CPED1: variants seen among roughly 807,000 people sequenced by gnomAD.
The protein encoded by CPED1 is cadherin-like and PC-esterase domain-containing protein 1.
A neutral mutation model predicts 128.2 loss-of-function variants in CPED1; 114 were observed. The ratio of observed to expected loss-of-function variants is 0.89; its 90% CI spans 0.76 to 1.04. CPED1 has a LOEUF of 1.04. Ranked by LOEUF, CPED1 falls within the 50% of genes least tolerant of loss-of-function variation. CPED1 has a pLI of 0.00. For synonymous variants in CPED1, 462 were observed against 426.7 expected (o/e 1.08, Z -1.02); for missense variants, 1,211 against 1,207.1 (o/e 1.00, Z -0.05).
At chr7:121,269,856 T>C (rs1169658855) in intron 21 of CPED1, among the ~76,000 whole-genome samples, 1 of 151,940 alleles carries the variant, frequency 6.6e-6, no homozygotes, top group African/African-American at 2.4e-5. Context: ...AGAAAAGGGG[T>C]ATTTTGGCTC....
intron 3 of CPED1, among the ~76,000 whole-genome samples, chr7:121,042,424 G>C (rs1359335612): frequency 6.6e-6 from 1 of 152,148 alleles, no homozygotes; most frequent in Admixed American, 6.6e-5. Flanking sequence ...GATAATTTCT[G>C]TGTCTGTTTC....
chr7:121,042,347 A>G (rs1277945630), intron 3 of CPED1, among the ~76,000 whole-genome samples: 1 of 152,084 alleles, frequency 6.6e-6, no homozygotes, highest in Non-Finnish European at 1.5e-5. Flanking sequence ...TGCTGTAGTT[A>G]TTTCTTCCTC....
intron 2 of CPED1, among the ~76,000 whole-genome samples, chr7:121,001,944 T>A (rs1173435627): frequency 6.6e-6 from 1 of 152,052 alleles, no homozygotes; most frequent in Non-Finnish European, 1.5e-5. Context: ...AATGATATCA[T>A]TAAAATATTC....
At position 121,097,699 on chromosome 7, in the gene CPED1, A is replaced by T. The variant is rs748802241; in HGVS notation, c.617A>T (p.Glu206Val). Residue 206 changes from glutamate to valine, a missense_variant and splice_region_variant, in exon 6 of 23, where the codon GAA becomes GTA. By Grantham distance (121) the Glu-to-Val change is moderately radical. Transcript: ENST00000310396. ...CTTCTGCTCTCTTGAATCTTTTCAG[A>T]ACTGCAACTTCCAGTGAGTCCCTCT... ...GLCQIVRRFP[E>V]LQLPVSPSVC... The T allele has an allele frequency of 6.2e-6, 10 of 1,613,438 alleles. No homozygotes were observed. The South Asian group carries it at 8.8e-5, about 14-fold the overall frequency.
intron 14 of CPED1, among the ~76,000 whole-genome samples, chr7:121,139,522 C>T (rs34770628): frequency 0.32 from 48,686 of 151,610 alleles, 8,314 homozygotes; most frequent in Middle Eastern, 0.48. Flanking sequence ...GGTGCACCTC[C>T]ACGTCCATCA....
chr7:121,294,806 C>CAAAAAAAAAAAA (rs752742828), intron 22 of CPED1, among the ~76,000 whole-genome samples: 2 of 61,418 alleles, frequency 3.3e-5, no homozygotes, highest in African/African-American at 1.2e-4. Flanking sequence ...GCCTTCTAAG[C>CAAAAAAAAAAAA]AAAAAAAAAA....
chr7:121,044,232 A>T (rs1366371596), intron 3 of CPED1, among the ~76,000 whole-genome samples: 1 of 152,182 alleles, frequency 6.6e-6, no homozygotes, highest in Non-Finnish European at 1.5e-5. Flanking sequence ...GAGGGAGCTG[A>T]CTTCTAATGT....
chr7:121,131,649 A>G (rs918352182), intron 12 of CPED1, among the ~76,000 whole-genome samples: 2 of 152,064 alleles, frequency 1.3e-5, no homozygotes, highest in Non-Finnish European at 2.9e-5. Flanking sequence ...TCTTCTAATA[A>G]GAAAATTTAC....
chr7:121,200,191 G>A (rs1797364270), intron 16 of CPED1, among the ~76,000 whole-genome samples: 1 of 152,000 alleles, frequency 6.6e-6, no homozygotes. Context: ...ATCAATTAGG[G>A]CAATGTTTCC....
chr7:121,282,497 A>G (rs1306641557), intron 22 of CPED1, among the ~76,000 whole-genome samples: 3 of 152,150 alleles, frequency 2.0e-5, no homozygotes, highest in Admixed American at 2.0e-4. Flanking sequence ...AACATCTTTC[A>G]CCGGAATAAC....
At chr7:121,144,539 G>A (rs1239383513) in intron 16 of CPED1, among the ~76,000 whole-genome samples, 2 of 151,974 alleles carry the variant, frequency 1.3e-5, no homozygotes, top group East Asian at 1.9e-4. Context: ...GTAGGGCAGT[G>A]GAGAGGCTGG....
At chr7:121,029,475 T>C (rs749141841) in intron 3 of CPED1, among the ~76,000 whole-genome samples, 95 of 152,194 alleles carry the variant, frequency 6.2e-4, no homozygotes, top group Non-Finnish European at 1.1e-3. Flanking sequence ...TCTGGAAAAT[T>C]GTTATTTGTG....
At chr7:121,076,569 A>T (rs930194265) in intron 5 of CPED1, 5 of 152,160 alleles carry the variant, frequency 3.3e-5, no homozygotes, top group African/African-American at 1.2e-4. Flanking sequence ...ATTTCAACCC[A>T]AGTCTTTTAG....
chr7:121,285,906 T>C (rs1792558262), intron 22 of CPED1, among the ~76,000 whole-genome samples: 1 of 152,196 alleles, frequency 6.6e-6, no homozygotes, highest in African/African-American at 2.4e-5. Flanking sequence ...TTTGGATATC[T>C]TTACAGCAGT....
chr7:121,284,548 T>A (rs1202795415), intron 22 of CPED1, among the ~76,000 whole-genome samples: 1 of 152,168 alleles, frequency 6.6e-6, no homozygotes, highest in African/African-American at 2.4e-5. Context: ...AGTTACTTCC[T>A]AGATAAAATG....
At chr7:121,151,367 A>C (rs1207860079) in intron 16 of CPED1, among the ~76,000 whole-genome samples, 1 of 152,202 alleles carries the variant, frequency 6.6e-6, no homozygotes, top group Non-Finnish European at 1.5e-5. Context: ...GGACAGTTTC[A>C]TTTCTGTCAT....
intron 18 of CPED1, among the ~76,000 whole-genome samples, chr7:121,264,851 A>T (rs1792090881): frequency 6.6e-6 from 1 of 152,126 alleles, no homozygotes; most frequent in Non-Finnish European, 1.5e-5. Context: ...TATTTATTTT[A>T]AAAGTGCATG....
chr7:121,252,573 C>T (rs549058159), intron 18 of CPED1, among the ~76,000 whole-genome samples: 2 of 152,168 alleles, frequency 1.3e-5, no homozygotes, highest in South Asian at 4.2e-4. Context: ...ACTCATCTGA[C>T]AAAGGGCTAA....
chr7:121,228,490 A>C (rs555789765), intron 16 of CPED1, among the ~76,000 whole-genome samples: 1 of 151,544 alleles, frequency 6.6e-6, no homozygotes, highest in Non-Finnish European at 1.5e-5. Flanking sequence ...AAAAAAATAG[A>C]TGTTGGCAAG....
Sources: allele counts gnomAD v4.1 joint callset (sites outside exome capture counted in the v4.1 genomes callset), GRCh38; gene constraint gnomAD v4.1.1; transcripts MANE v1.5; gene names NCBI Gene and HGNC (gene_info 2026-07-23, HGNC 2026-07-21).